CSMD3: variants seen among roughly 807,000 people sequenced by gnomAD.
CSMD3 encodes the protein CUB and Sushi multiple domains 3.
CSMD3 carries 177 observed loss-of-function variants against 435.2 expected under a neutral mutation model. The observed-to-expected ratio is 0.41, with a 90% confidence interval of 0.36 to 0.46. The LOEUF (loss-of-function observed/expected upper bound fraction) is 0.46, where lower values mean the gene tolerates loss of function less well. CSMD3 is among the 20% of genes least tolerant of loss of function. The probability of loss-of-function intolerance (pLI) is 0.34; values close to 1 mark genes in which losing one functional copy is unlikely to be tolerated. For synonymous variants in CSMD3, 1,656 were observed against 1,520.5 expected, an observed-to-expected ratio of 1.09 and a Z score of -2.07; for missense variants, 4,265 against 4,504.6, an observed-to-expected ratio of 0.95 and a Z score of 1.52.
intron 32 of CSMD3, among the ~76,000 whole-genome samples, chr8:112,409,923 G>A (rs1350309282): frequency 6.6e-6 from 1 of 151,724 alleles, no homozygotes. Flanking sequence ...GTTTAAAAGA[G>A]TATAATTTTA....
intron 31 of CSMD3, among the ~76,000 whole-genome samples, chr8:112,484,556 A>C (rs1819934224): frequency 6.6e-6 from 1 of 151,818 alleles, no homozygotes; most frequent in Admixed American, 6.6e-5. Context: ...TACACCAGGA[A>C]GGTACATTTG....
intron 29 of CSMD3, among the ~76,000 whole-genome samples, chr8:112,504,939 C>T (rs75859996): frequency 6.6e-6 from 1 of 152,046 alleles, no homozygotes; most frequent in African/African-American, 2.4e-5. Flanking sequence ...AAACATTCAT[C>T]AGTAGAAAAA....
In CSMD3 at chr8:113,289,289, C is replaced by T. The variant is rs139720682; in HGVS notation, c.402-10585G>A. Among the ~76,000 whole-genome samples, 45 of 151,844 alleles carry T rather than the reference C, an allele frequency of 3.0e-4. No individual in the cohort carries two copies. The East Asian group carries it at 5.2e-3, about 18-fold the overall frequency. ...ACACCACTCAGAGTTTTCTTCTTGACGCACTACATTATTGATAGCTATAAC... is the reference window on the plus strand; with the variant it reads ...ACACCACTCAGAGTTTTCTTCTTGATGCACTACATTATTGATAGCTATAAC... On this transcript the variant is annotated intron_variant, in intron 2 of 70. Coordinates refer to ENST00000297405, the MANE Select transcript of CSMD3 (RefSeq NM_198123.2).
chr8:112,838,293 G>C (rs558626983), intron 11 of CSMD3, among the ~76,000 whole-genome samples: 1 of 151,900 alleles, frequency 6.6e-6, no homozygotes, highest in African/African-American at 2.4e-5. Context: ...AGGAACACTA[G>C]CGATGAAGGC....
At chr8:113,340,792 T>C (rs533446437) in intron 1 of CSMD3, among the ~76,000 whole-genome samples, 1 of 151,864 alleles carries the variant, frequency 6.6e-6, no homozygotes, top group East Asian at 1.9e-4. Context: ...TCGCTTGAGC[T>C]TGGAAGTCGG....
chr8:112,383,657 C>A lies in CSMD3; in HGVS notation c.5941G>T (p.Val1981Phe), dbSNP rs201270210. The A allele has an allele frequency of 3.1e-6, 5 of 1,591,426 alleles. No individual in the cohort carries two copies. Among genetic ancestry groups the A allele is most frequent in the Non-Finnish European group, 4.3e-6 (5 of 1,159,498 alleles). Reference protein sequence around the residue: ...VPEGAGIQVQVVSFATEHNWD... With the variant: ...VPEGAGIQVQFVSFATEHNWD... ...TTATGTTCTGTAGCAAAGCTAACAA[C>A]TTGCACCTGTGAAATAATAATTACA... Residue 1981 changes from valine to phenylalanine, a missense_variant, in exon 37 of 71, where the codon GTT (valine) becomes TTT (phenylalanine). Physicochemically the swap from Val to Phe is conservative, Grantham distance 50. Transcript: ENST00000297405.
chr8:113,363,477 G>A (rs536609156), intron 1 of CSMD3, among the ~76,000 whole-genome samples: 9 of 152,250 alleles, frequency 5.9e-5, no homozygotes, highest in African/African-American at 2.2e-4. Flanking sequence ...CTGTTCTGGA[G>A]ACCAGAAATT....
intron 3 of CSMD3, among the ~76,000 whole-genome samples, chr8:113,248,464 G>GTATATATATGTATATATA (rs1563602221): frequency 1.2e-3 from 3 of 2,456 alleles, no homozygotes; most frequent in African/African-American, 1.4e-3. Context: ...ATATGTGTGT[G>GTATATATATGTATATATA]TGTGATATAT....
chr8:112,592,286 C>T (rs555631339), intron 22 of CSMD3, among the ~76,000 whole-genome samples: 59 of 151,952 alleles, frequency 3.9e-4, no homozygotes, highest in Non-Finnish European at 7.1e-4. Flanking sequence ...ATATGAGAAT[C>T]CATTGGTATT....
chr8:112,914,153 A>G (rs913008724), intron 10 of CSMD3, among the ~76,000 whole-genome samples: 60 of 152,004 alleles, frequency 3.9e-4, no homozygotes, highest in Non-Finnish European at 8.2e-4. Context: ...TTCATGTCCA[A>G]TGAAATTTAT....
chr8:113,309,107 C>A (rs1297874257), intron 2 of CSMD3: 1 of 152,178 alleles, frequency 6.6e-6, no homozygotes, highest in African/African-American at 2.4e-5. Flanking sequence ...GGCCACCACA[C>A]CCAGCTAATT....
At chr8:113,376,638 T>C in intron 1 of CSMD3, 4 of 1,373,868 alleles carry the variant, frequency 2.9e-6, no homozygotes, top group Non-Finnish European at 4.1e-6. Context: ...CACTCTCTCT[T>C]TCCAGACCTG....
intron 5 of CSMD3, among the ~76,000 whole-genome samples, chr8:113,029,641 C>G (rs2087008215): frequency 6.6e-6 from 1 of 151,474 alleles, no homozygotes; most frequent in Non-Finnish European, 1.5e-5. Flanking sequence ...TAATAAAAGC[C>G]ATCTATGAAA....
At chr8:113,301,959 T>C (rs1050431492) in intron 2 of CSMD3, among the ~76,000 whole-genome samples, 2 of 151,678 alleles carry the variant, frequency 1.3e-5, no homozygotes, top group African/African-American at 4.8e-5. Context: ...TTATACCCTT[T>C]AACCTTTGTG....
chr8:113,237,719 A>G (rs1398928553), intron 3 of CSMD3, among the ~76,000 whole-genome samples: 1 of 152,202 alleles, frequency 6.6e-6, no homozygotes, highest in Non-Finnish European at 1.5e-5. Flanking sequence ...TCTAAGTGTC[A>G]GAGTAAACAT....
In CSMD3 at chr8:113,310,698, T is replaced by C. The variant is rs1431295378; in HGVS notation, c.401+3873A>G. 3.9e-5 allele frequency: 6 copies of C among 152,040 alleles called. No homozygotes were observed. The East Asian group carries it at 1.2e-3, about 29-fold the overall frequency. The allele number at this position is 152,040 out of a possible 1,614,324, so 9.4% of individuals were successfully genotyped here. On this transcript the variant is annotated intron_variant, in intron 2 of 70. Coordinates refer to ENST00000297405, the MANE Select transcript of CSMD3 (RefSeq NM_198123.2). ...AGTTTTCTAGTTGTAATAATATTCA[T>C]TGATATAAGATTCTGGAAAGCATAT...
Position 112,778,024 on chromosome 8 carries a change from T to C in CSMD3, c.1972+22138A>G, listed in dbSNP as rs191743237. 3.3e-3 allele frequency among the ~76,000 whole-genome samples: 501 copies of C among 152,024 alleles called. 4 individuals carry two copies. Among genetic ancestry groups the C allele is most frequent in the African/African-American group, 0.011 (437 of 41,528 alleles). On this transcript the variant is annotated intron_variant, in intron 13 of 70. Transcript: ENST00000297405. ...AAATATTTGTGGACAACTTTGGAAG[T>C]AGTAATGACTACTTTTTTAAAAAAT...
intron 2 of CSMD3, among the ~76,000 whole-genome samples, chr8:113,281,596 G>T (rs1025228354): frequency 3.3e-5 from 5 of 151,814 alleles, no homozygotes; most frequent in African/African-American, 1.2e-4. Context: ...GTTGGTTGGT[G>T]AGTTCTTACT....
At chr8:113,085,018 G>C (rs762016674) in intron 5 of CSMD3, among the ~76,000 whole-genome samples, 1 of 151,984 alleles carries the variant, frequency 6.6e-6, no homozygotes, top group East Asian at 1.9e-4. Context: ...AAAACTACTA[G>C]AAGAATGCAT....
Sources: allele counts gnomAD v4.1 joint callset (sites outside exome capture counted in the v4.1 genomes callset), GRCh38; gene constraint gnomAD v4.1.1; transcripts MANE v1.5; gene names NCBI Gene and HGNC (gene_info 2026-07-23, HGNC 2026-07-21).